BEND2: variants seen among roughly 807,000 people sequenced by gnomAD.
BEND2 encodes the protein BEN domain containing 2.
Under a neutral mutation model 43.8 loss-of-function variants are expected in BEND2, and 19 were observed. The observed-to-expected ratio is 0.43, with a 90% CI of 0.30 to 0.64. BEND2 has a LOEUF of 0.64. Ranked by LOEUF, BEND2 falls within the 30% of genes least tolerant of loss-of-function variation. BEND2 has a pLI of 0.11. For synonymous variants in BEND2, 226 were observed against 210.1 expected, an observed-to-expected ratio of 1.08 and a Z score of -0.66; for missense variants, 544 against 574.0, an observed-to-expected ratio of 0.95 and a Z score of 0.53.
intron 1 of BEND2, among the ~76,000 whole-genome samples, chrX:18,219,929 A>ACAAAG (rs1373825064): frequency 6.4e-5 from 7 of 109,932 alleles, no homozygotes. Flanking sequence ...ACAAAACAAA[A>ACAAAG]CCAAGCAAAA....
intron 13 of BEND2, among the ~76,000 whole-genome samples, 156 bp from the exon 14 acceptor site, chrX:18,165,379 C>T (rs1923796097): frequency 8.9e-6 from 1 of 112,116 alleles, no homozygotes; most frequent in Non-Finnish European, 1.9e-5. Flanking sequence ...ATTAGCTGGA[C>T]AAATCTTTTA....
intron 4 of BEND2, among the ~76,000 whole-genome samples, chrX:18,208,703 T>TA (rs1351164640): frequency 7.2e-5 from 8 of 111,567 alleles, no homozygotes; most frequent in Admixed American, 9.6e-5. Flanking sequence ...GAAGTTATTA[T>TA]ATAAGAACCT....
At chrX:18,178,033 T>C (rs1454474404) in intron 9 of BEND2, among the ~76,000 whole-genome samples, 3 of 111,431 alleles carry the variant, frequency 2.7e-5, no homozygotes, top group African/African-American at 9.8e-5. Context: ...GCTTGCTGTA[T>C]TGAACTACTC....
intron 2 of BEND2, among the ~76,000 whole-genome samples, chrX:18,214,812 A>G (rs1925625572): frequency 4.5e-5 from 1 of 22,264 alleles, no homozygotes; most frequent in African/African-American, 3.1e-4. Context: ...CTCTGTCTCA[A>G]AAAAAAAAAA....
chrX:18,220,480 G>T (rs1268190107), intron 1 of BEND2, among the ~76,000 whole-genome samples: 1 of 111,362 alleles, frequency 9.0e-6, no homozygotes, highest in Non-Finnish European at 1.9e-5. Flanking sequence ...ACGTCTCCGG[G>T]ACATCTTGAG....
At chrX:18,178,791 T>C (rs769127593) in intron 9 of BEND2, among the ~76,000 whole-genome samples, 1 of 111,333 alleles carries the variant, frequency 9.0e-6, no homozygotes, top group East Asian at 2.8e-4. Flanking sequence ...AGTATTTAGG[T>C]TAGGAAAGTG....
At chrX:18,182,330 T>C (rs1924411768) in intron 8 of BEND2, among the ~76,000 whole-genome samples, 1 of 111,263 alleles carries the variant, frequency 9.0e-6, no homozygotes, top group South Asian at 3.8e-4. Flanking sequence ...GCCATGACTT[T>C]AAGTTTCCTG....
chrX:18,168,207 G>A (rs11094738), intron 13 of BEND2, among the ~76,000 whole-genome samples: 47,586 of 110,542 alleles, frequency 0.43, 7,721 homozygotes, highest in Middle Eastern at 0.5. Context: ...CCTGAATGGA[G>A]CAGCCCTCTC....
chrX:18,203,468 T>A, intron 5 of BEND2, 33 bp downstream of exon 5: 3 of 1,157,013 alleles, frequency 2.6e-6, no homozygotes, highest in Non-Finnish European at 3.5e-6. Flanking sequence ...GATTGAAGAA[T>A]GCTATCTGTA....
rs777251002 is a variant in BEND2, at chrX:18,174,215, G to A, written c.1796C>T (p.Ser599Leu). ...KNKKRTNRVA[S>L]ASADRNDQRG... Reference sequence around the variant, plus strand: ...TTGGTCATTTCTATCTGCAGATGCCGATGCAACACGGTTGGTACGTTTTTT... The same window carrying A: ...TTGGTCATTTCTATCTGCAGATGCCAATGCAACACGGTTGGTACGTTTTTT... The change falls in exon 12 of 14, where the codon TCG (serine) becomes TTG (leucine). Residue 599 changes from serine to leucine, a missense_variant. By Grantham distance (145) the Ser-to-Leu change is moderately radical. Transcript: ENST00000380033. The A allele has an allele frequency of 6.1e-5, 74 of 1,209,822 alleles. No homozygotes were observed. Among genetic ancestry groups the A allele is most frequent in the Non-Finnish European group, 8.0e-5 (72 of 895,161 alleles).
chrX:18,207,271 G>A (rs955770202), intron 4 of BEND2, among the ~76,000 whole-genome samples: 5 of 111,626 alleles, frequency 4.5e-5, no homozygotes, highest in African/African-American at 1.6e-4. Flanking sequence ...CATTATATAC[G>A]GTAAGAAACA....
chrX:18,216,540 A>G lies in BEND2; in HGVS notation c.219T>C (p.Arg73=). ...NFPGGNDGHH[R]PLQMSYGSGS... Reference sequence around the variant, plus strand: ...AATTACCATATGACATTTGGAGTGGACGGTGATGGCCATCATTGCCGCCTG... The same window carrying G: ...AATTACCATATGACATTTGGAGTGGGCGGTGATGGCCATCATTGCCGCCTG... Residue 73 remains arginine (R), a synonymous_variant, in exon 2 of 14, where the codon CGT becomes CGC. Transcript: ENST00000380033. 2.5e-6 allele frequency: 3 copies of G among 1,205,152 alleles called. No homozygotes were observed.
chrX:18,173,488 T>C (rs1924038736), intron 12 of BEND2, among the ~76,000 whole-genome samples: 1 of 111,922 alleles, frequency 8.9e-6, no homozygotes, highest in South Asian at 3.7e-4. Flanking sequence ...CAGATATCAC[T>C]CATCGGTATG....
chrX:18,168,078 G>A (rs1359555680), intron 13 of BEND2, among the ~76,000 whole-genome samples: 1 of 112,487 alleles, frequency 8.9e-6, no homozygotes, highest in African/African-American at 3.2e-5. Flanking sequence ...AAAAGGTTGG[G>A]TAGAACATTT....
intron 13 of BEND2, among the ~76,000 whole-genome samples, chrX:18,165,634 A>G (rs891750063): frequency 8.9e-6 from 1 of 112,246 alleles, no homozygotes; most frequent in Non-Finnish European, 1.9e-5. Flanking sequence ...GAGAGGGAAG[A>G]AGCTGTAACT....
intron 8 of BEND2, among the ~76,000 whole-genome samples, chrX:18,188,959 G>A (rs1318640698): frequency 8.9e-6 from 1 of 111,921 alleles, no homozygotes; most frequent in Non-Finnish European, 1.9e-5. Context: ...CCAGCACTTT[G>A]GGAGGCCGAG....
At chrX:18,211,708 G>A (rs75055262) in intron 4 of BEND2, among the ~76,000 whole-genome samples, 104 of 110,175 alleles carry the variant, frequency 9.4e-4, no homozygotes, top group African/African-American at 3.2e-3. Flanking sequence ...GCTTGAACCC[G>A]GGAGGTGGAG....
chrX:18,195,920 G>A (rs1924932489), intron 6 of BEND2, among the ~76,000 whole-genome samples: 1 of 102,728 alleles, frequency 9.7e-6, no homozygotes, highest in African/African-American at 3.6e-5. Context: ...GAGGGAGGGA[G>A]GGAGGGAGGG....
At chrX:18,200,439 G>C (rs764407678) in intron 6 of BEND2, among the ~76,000 whole-genome samples, 1 of 103,668 alleles carries the variant, frequency 9.6e-6, no homozygotes, top group South Asian at 4.6e-4. Flanking sequence ...GGAGGCAGAA[G>C]TTGCAGTAAG....
Sources: gnomAD v4.1 joint callset for allele counts (sites outside exome capture counted in the v4.1 genomes callset) on GRCh38, gnomAD v4.1.1 for gene constraint, MANE v1.5 for transcripts, NCBI Gene and HGNC (gene_info 2026-07-23, HGNC 2026-07-21) for gene names.